DPP6: variants seen among roughly 807,000 people sequenced by gnomAD.
The protein encoded by DPP6 is dipeptidyl peptidase like 6.
Under a neutral mutation model 122.6 loss-of-function variants are expected in DPP6, and 69 were observed. That is an observed-to-expected ratio of 0.56 (90% CI 0.46 to 0.69). The LOEUF (loss-of-function observed/expected upper bound fraction) is 0.69. DPP6 is among the 30% of genes least tolerant of loss of function. The pLI is 0.00. For synonymous variants in DPP6, 418 were observed against 433.1 expected, an observed-to-expected ratio of 0.97 and a Z score of 0.43; for missense variants, 928 against 1,116.9, an observed-to-expected ratio of 0.83 and a Z score of 2.41.
chr7:153,849,348 G>A, the DPP6 span, among the ~76,000 whole-genome samples: 1 of 151,658 alleles, frequency 6.6e-6, no homozygotes, highest in Non-Finnish European at 1.5e-5. Flanking sequence ...TCCCTCTGCA[G>A]AGGTGCTTTC....
upstream of DPP6, among the ~76,000 whole-genome samples, chr7:153,884,426 T>G (rs1028023655): frequency 6.6e-6 from 1 of 152,218 alleles, no homozygotes. Context: ...ACATTTGGGT[T>G]GTGGGACTGT....
At chr7:154,426,808 T>TAAAA (rs34741334) in intron 1 of DPP6, among the ~76,000 whole-genome samples, 2 of 109,674 alleles carry the variant, frequency 1.8e-5, no homozygotes, top group Non-Finnish European at 3.9e-5. Context: ...TACTCTGCCT[T>TAAAA]AAAAAAAAAA....
chr7:153,820,071 G>A, the DPP6 span, among the ~76,000 whole-genome samples: 1 of 152,132 alleles, frequency 6.6e-6, no homozygotes, highest in Non-Finnish European at 1.5e-5. Flanking sequence ...ATTTTCATAT[G>A]CCTAATATTT....
At chr7:154,296,670 C>T (rs12334244) in intron 1 of DPP6, among the ~76,000 whole-genome samples, 1 of 152,318 alleles carries the variant, frequency 6.6e-6, no homozygotes, top group Admixed American at 6.5e-5. Flanking sequence ...TCCCATGTGA[C>T]GTATACTAGA....
In DPP6 at chr7:154,618,751, T is replaced by C. The variant is rs1195526047; in HGVS notation, c.628-19070T>C. Among the ~76,000 whole-genome samples, 1 of 152,202 alleles carries C rather than the reference T, an allele frequency of 6.6e-6. No homozygotes were observed. The highest frequency in any genetic ancestry group is 2.4e-5 in the African/African-American group (1 of 41,450). On this transcript the variant is annotated intron_variant, in intron 5 of 25. Coordinates refer to ENST00000377770, the MANE Select transcript of DPP6 (RefSeq NM_130797.4). This position sits in a 1 kb window ranked among gnomAD's most constrained non-coding sequence, Gnocchi z 4.1. ...TCTGTAGGCTTTATCTCATTTTAAC[T>C]TCACTTACTCATGTAATCTCAGCAC...
At chr7:154,445,658 G>T (rs1054466265) in intron 1 of DPP6, among the ~76,000 whole-genome samples, 1 of 152,026 alleles carries the variant, frequency 6.6e-6, no homozygotes, top group African/African-American at 2.4e-5. Context: ...AGGAGCTATG[G>T]AAAAAAGAAA....
intron 16 of DPP6, among the ~76,000 whole-genome samples, chr7:154,812,398 A>C (rs987282642): frequency 6.6e-6 from 1 of 152,206 alleles, no homozygotes; most frequent in African/African-American, 2.4e-5. Context: ...GCTATAGTGA[A>C]GTTCTATAGA....
At position 154,135,821 on chromosome 7, in the gene DPP6, C is replaced by T. The variant is rs116211791; in HGVS notation, c.243+82758C>T. Among the ~76,000 whole-genome samples, 899 of 151,772 alleles carry T rather than the reference C, an allele frequency of 5.9e-3. 11 individuals are homozygous for T. The highest frequency in any genetic ancestry group is 0.021 in the African/African-American group (870 of 41,316). On this transcript the variant is annotated intron_variant, in intron 1 of 25. Coordinates refer to ENST00000377770, the MANE Select transcript of DPP6 (RefSeq NM_130797.4). ...CTTTCTGTGAGCCCATGCTTCCTCT[C>T]TGTGCACTTCCTGTGAGTACCACTT... is the stretch of plus-strand genomic sequence containing the variant.
the DPP6 span, among the ~76,000 whole-genome samples, chr7:153,866,006 T>C: frequency 6.6e-6 from 1 of 152,138 alleles, no homozygotes; most frequent in African/African-American, 2.4e-5. Flanking sequence ...GGCTGCATAG[T>C]ATTTCATGGT....
intron 1 of DPP6, among the ~76,000 whole-genome samples, chr7:154,059,722 T>C (rs1204366109): frequency 2.6e-5 from 4 of 150,998 alleles, no homozygotes; most frequent in Admixed American, 1.3e-4. Flanking sequence ...GGCTACCCGA[T>C]CTGACAAAGC....
chr7:154,086,632 T>TC (rs1315897904), intron 1 of DPP6, among the ~76,000 whole-genome samples: 5 of 151,282 alleles, frequency 3.3e-5, no homozygotes, highest in African/African-American at 9.7e-5. Context: ...TTTTTTTTTT[T>TC]TTTTGAGATG....
chr7:154,042,094 GC>G (rs1294793286), intron 1 of DPP6, among the ~76,000 whole-genome samples: 2 of 152,128 alleles, frequency 1.3e-5, no homozygotes, highest in Admixed American at 6.5e-5. Flanking sequence ...GCAGCTTTGA[GC>G]ATCAAATCCT....
intron 7 of DPP6, among the ~76,000 whole-genome samples, chr7:154,706,485 A>G (rs993342496): frequency 2.6e-5 from 4 of 151,762 alleles, no homozygotes; most frequent in African/African-American, 9.7e-5. Flanking sequence ...TGGCCAGGCC[A>G]CTCCTAGTCA....
At chr7:154,628,339 G>A (rs1330535814) in intron 5 of DPP6, among the ~76,000 whole-genome samples, 1 of 152,174 alleles carries the variant, frequency 6.6e-6, no homozygotes, top group South Asian at 2.1e-4. Context: ...TACTCATGAA[G>A]TTCTCTAAAA....
At chr7:153,820,548 A>C in the DPP6 span, among the ~76,000 whole-genome samples, 3 of 152,158 alleles carry the variant, frequency 2.0e-5, no homozygotes, top group Non-Finnish European at 4.4e-5. Context: ...GGAGAGAACC[A>C]GAGAGTTCTC....
intron 1 of DPP6, among the ~76,000 whole-genome samples, chr7:154,210,245 A>G (rs1799668926): frequency 6.6e-6 from 1 of 152,104 alleles, no homozygotes; most frequent in Non-Finnish European, 1.5e-5. Flanking sequence ...TGTCATTAGG[A>G]CAGTCCTGCA....
At chr7:154,090,375 C>A (rs1442093223) in intron 1 of DPP6, among the ~76,000 whole-genome samples, 1 of 152,164 alleles carries the variant, frequency 6.6e-6, no homozygotes, top group Non-Finnish European at 1.5e-5. Flanking sequence ...TTCTGTGTAG[C>A]TTAGGATCCG....
chr7:153,992,543 C>G (rs1450861808), intron 1 of DPP6, among the ~76,000 whole-genome samples: 5 of 152,170 alleles, frequency 3.3e-5, no homozygotes, highest in Admixed American at 3.3e-4. Context: ...GAACAGTCCC[C>G]TGGTGTGCCC....
chr7:154,493,901 T>C (rs77936358), intron 3 of DPP6, among the ~76,000 whole-genome samples: 21,446 of 152,140 alleles, frequency 0.14, 1,901 homozygotes, highest in East Asian at 0.35. Flanking sequence ...ATTTTATAGA[T>C]CCTTTCAAAC....
Sources: allele counts gnomAD v4.1 joint callset (sites outside exome capture counted in the v4.1 genomes callset), GRCh38; gene constraint gnomAD v4.1.1; non-coding constraint Gnocchi (gnomAD v3.1); transcripts MANE v1.5; gene names NCBI Gene and HGNC (gene_info 2026-07-23, HGNC 2026-07-21).